NF1: variants seen among roughly 807,000 people sequenced by gnomAD.
NF1 encodes the protein neurofibromin 1.
A neutral mutation model predicts 325.7 loss-of-function variants in NF1; 122 were observed. The observed-to-expected ratio is 0.37, with a 90% CI of 0.32 to 0.44. The LOEUF (loss-of-function observed/expected upper bound fraction) is 0.44. Ranked by LOEUF, NF1 falls within the 20% of genes least tolerant of loss-of-function variation. The pLI is 1.00. For synonymous variants in NF1, 1,091 were observed against 1,186.0 expected (o/e 0.92, Z 1.65); for missense variants, 2,140 against 3,415.4 (o/e 0.63, Z 9.31).
In NF1 at chr17:31,190,328, T is replaced by A. The variant is rs564564292; in HGVS notation, c.888+7663T>A. Among the ~76,000 whole-genome samples, 678 of 152,298 alleles carry A rather than the reference T, an allele frequency of 4.5e-3. 6 individuals carry two copies. Among genetic ancestry groups the A allele is most frequent in the African/African-American group, 0.016 (647 of 41,556 alleles). On this transcript the variant is annotated intron_variant, in intron 8 of 57. Coordinates refer to ENST00000358273, the MANE Select transcript of NF1 (RefSeq NM_001042492.3). The stretch of plus-strand genomic sequence containing the variant: ...CTACTCACATTCCTTCTGAGCTGGT[T>A]AGTGTTATTGGCTGGTATGTATCCT...
At chr17:31,230,494 G>A in intron 23 of NF1, 112 bp downstream of exon 23, 1 of 1,325,032 alleles carries the variant, frequency 7.5e-7, no homozygotes, top group Non-Finnish European at 1.1e-6. Context: ...TGAAAAGAGA[G>A]CAATTTACAT....
chr17:31,304,440 C>G, intron 36 of NF1: 1 of 1,614,112 alleles, frequency 6.2e-7, no homozygotes. Context: ...ATTGTATTAT[C>G]TCAGATTTAT....
At chr17:31,151,050 A>T (rs1237392479) in intron 1 of NF1, among the ~76,000 whole-genome samples, 1 of 151,824 alleles carries the variant, frequency 6.6e-6, no homozygotes, top group African/African-American at 2.4e-5. Flanking sequence ...AAAAATAAAT[A>T]AATAAATAAA....
At position 31,338,101 on chromosome 17, in the gene NF1, C is replaced by T. The variant is rs750869272; in HGVS notation, c.6781C>T (p.His2261Tyr). The T allele has an allele frequency of 3.0e-5, 48 of 1,613,864 alleles. 2 individuals carry two copies. In the South Asian group the frequency reaches 4.2e-4, roughly 14 times the overall value. ...VFGCISKRVS[H>Y]GQIKQIIRIL... ...TGGGTGTATTAGCAAACGAGTGTCT[C>T]ATGGGCAGATAAAGCAGATAATCCG... The change falls in exon 45 of 58, where the codon CAT becomes TAT. Residue 2261 changes from histidine to tyrosine, a missense_variant. His to Tyr is a moderately conservative substitution (Grantham distance 83). Coordinates refer to ENST00000358273, the MANE Select transcript of NF1 (RefSeq NM_001042492.3).
At chr17:31,292,165 G>A (rs2068355664) in intron 36 of NF1, among the ~76,000 whole-genome samples, 1 of 152,202 alleles carries the variant, frequency 6.6e-6, no homozygotes, top group East Asian at 1.9e-4. Context: ...GCAGAGGCAA[G>A]TTGCTTGTAA....
intron 36 of NF1, among the ~76,000 whole-genome samples, chr17:31,313,088 A>G (rs1037964031): frequency 2.6e-5 from 4 of 152,142 alleles, no homozygotes; most frequent in African/African-American, 4.8e-5. Flanking sequence ...TCATGTCATC[A>G]TTATTAAATA....
Position 31,365,933 on chromosome 17 carries a change from A to ATT in NF1, c.8377+5248_8377+5249dup, listed in dbSNP as rs1219842483. On this transcript the variant is annotated intron_variant, in intron 57 of 57. Transcript: ENST00000358273. ...AACAAGTAAATTCGTGATCTATTTA[A>ATT]TTTTTTTTTTTTTTTTTTTGAGATG... 8.4e-4 allele frequency among the ~76,000 whole-genome samples: 117 copies of ATT among 139,984 alleles called. 1 individual carries two copies. The highest frequency in any genetic ancestry group is 1.5e-3 in the Admixed American group (21 of 13,880). 91.8% of individuals were successfully genotyped at this position (139,984 alleles called of 152,430 possible).
intron 36 of NF1, among the ~76,000 whole-genome samples, chr17:31,271,342 T>C (rs2067890927): frequency 6.7e-6 from 1 of 149,246 alleles, no homozygotes; most frequent in Non-Finnish European, 1.5e-5. Flanking sequence ...CACCTTTTCT[T>C]AGCGAAATGA....
At chr17:31,232,677 A>G in intron 25 of NF1, 23 bp from the exon 26 acceptor site, 1 of 1,610,294 alleles carries the variant, frequency 6.2e-7, no homozygotes, top group Non-Finnish European at 8.5e-7. Flanking sequence ...CACTATGTAA[A>G]GGTCAGTCTT....
At chr17:31,248,930 TTTG>T in intron 29 of NF1, 51 bp from the exon 30 acceptor site, 2 of 1,584,916 alleles carry the variant, frequency 1.3e-6, no homozygotes, top group Non-Finnish European at 1.7e-6. Flanking sequence ...AGGAGTGATT[TTTG>T]TTATTTGTTT....
chr17:31,342,955 T>G (rs1597851139), intron 47 of NF1, 54 bp from the exon 48 acceptor site: 1 of 1,609,270 alleles, frequency 6.2e-7, no homozygotes, highest in East Asian at 2.2e-5. Flanking sequence ...AGTGAGCCTT[T>G]AAAGAAAGCT....
intron 1 of NF1, among the ~76,000 whole-genome samples, chr17:31,102,451 A>G (rs1257013555): frequency 1.3e-5 from 2 of 152,114 alleles, no homozygotes; most frequent in Admixed American, 1.3e-4. Context: ...TCATTAAATA[A>G]GGGAGAGTAG....
chr17:31,319,347 T>C (rs1351215193), intron 36 of NF1, among the ~76,000 whole-genome samples: 1 of 151,834 alleles, frequency 6.6e-6, no homozygotes, highest in Non-Finnish European at 1.5e-5. Flanking sequence ...CAGTTAGTTC[T>C]GCTTTTACTT....
rs1555536126 is a variant in NF1 at position 31,350,220 on chromosome 17, C to T, written c.7359C>T (p.Cys2453=). The change falls in exon 50 of 58, where the codon TGC becomes TGT. Residue 2453 remains cysteine (C), a synonymous_variant. Transcript: ENST00000358273. ...LTVSEEVRSR[C]SLKHRKSLLL... is the part of the protein sequence containing the mutation. Reference sequence around the variant, plus strand: ...TGTCTGAAGAAGTTCGAAGTCGCTGCAGCCTAAAACATAGAAAGTCACTTC... The same window carrying T: ...TGTCTGAAGAAGTTCGAAGTCGCTGTAGCCTAAAACATAGAAAGTCACTTC... The T allele has an allele frequency of 2.5e-6, 4 of 1,613,798 alleles. No homozygotes were observed. In the Admixed American group the frequency reaches 5.0e-5, roughly 20 times the overall value.
intron 8 of NF1, 159 bp downstream of exon 8, chr17:31,182,824 A>C (rs926276073): frequency 4.5e-6 from 3 of 673,774 alleles, no homozygotes; most frequent in Non-Finnish European, 7.6e-6. Context: ...TAGAAGAGAC[A>C]TACTCATACA....
chr17:31,095,268 G>A lies in NF1; in HGVS notation c.-42G>A, dbSNP rs750556366. 32 of 1,529,904 alleles carry A rather than the reference G, an allele frequency of 2.1e-5. No individual in the cohort carries two copies. The Admixed American group carries it at 6.1e-4, about 29-fold the overall frequency. The allele number at this position is 1,529,904 out of a possible 1,614,324, so 94.8% of individuals were successfully genotyped here. A position where few individuals can be genotyped will look rare whatever the true frequency, so the allele number is the denominator to read the frequency against. On this transcript the variant is annotated 5_prime_UTR_variant, in exon 1 of 58. Transcript: ENST00000358273. The stretch of plus-strand genomic sequence containing the variant: ...CGCCCTCTTCCCGGCCCAGGGCGCC[G>A]GCCCACCCTTCCCTCCGCCGCCCCC...
chr17:31,317,597 G>A (rs2069057647), intron 36 of NF1: 1 of 152,094 alleles, frequency 6.6e-6, no homozygotes, highest in Admixed American at 6.5e-5. Context: ...TTTTAGTTGT[G>A]CTCTATTTCT....
intron 36 of NF1, among the ~76,000 whole-genome samples, chr17:31,316,546 C>A (rs12940802): frequency 0.5 from 75,559 of 151,950 alleles, 20,632 homozygotes; most frequent in Non-Finnish European, 0.62. Flanking sequence ...TTCTCTGACA[C>A]GTGTTTATTT....
rs146466880 is a variant in NF1 at position 31,319,248 on chromosome 17, T to C, written c.4836-6572T>C. On this transcript the variant is annotated intron_variant, in intron 36 of 57. Transcript: ENST00000358273. ...CACTTTTAGATGCTAGAAGTTAGCA[T>C]TACAAATAAATATTAATCATTTTAA... 7.2e-5 allele frequency among the ~76,000 whole-genome samples: 11 copies of C among 152,292 alleles called. No homozygotes were observed. The South Asian group carries it at 8.3e-4, about 11-fold the overall frequency.
Sources: gnomAD v4.1 joint callset for allele counts (sites outside exome capture counted in the v4.1 genomes callset) on GRCh38, gnomAD v4.1.1 for gene constraint, MANE v1.5 for transcripts, NCBI Gene and HGNC (gene_info 2026-07-23, HGNC 2026-07-21) for gene names.